The following CCDC6 variants were observed in gnomAD, a reference collection of about 807,000 sequenced individuals.
The protein encoded by CCDC6 is coiled-coil domain containing 6, also known as coiled-coil domain-containing protein 6.
CCDC6 carries 20 observed loss-of-function variants against 56.6 expected under a neutral mutation model. The ratio of observed to expected loss-of-function variants is 0.35; its 90% confidence interval spans 0.25 to 0.51. The LOEUF is 0.51. Among genes scored for constraint, CCDC6 ranks in the 20% least tolerant of loss-of-function variants. The probability of loss-of-function intolerance (pLI) is 0.95; values close to 1 mark genes in which losing one functional copy is unlikely to be tolerated. For synonymous variants in CCDC6, 241 were observed against 234.4 expected, an observed-to-expected ratio of 1.03 and a Z score of -0.26; for missense variants, 367 against 601.1, an observed-to-expected ratio of 0.61 and a Z score of 4.07.
At position 59,789,748 on chromosome 10, in the gene CCDC6, CTA is replaced by C. The variant is rs1199739089; in HGVS notation, c.*3167_*3168del. Reference sequence around the variant, plus strand: ...TATTGAGCTCTCAAAGCACAAGTTACTATGCTTTTTCTTGCCTTATTGGGCAT... The same window carrying C: ...TATTGAGCTCTCAAAGCACAAGTTACTGCTTTTTCTTGCCTTATTGGGCAT... On this transcript the variant is annotated 3_prime_UTR_variant, in exon 9 of 9. Coordinates refer to ENST00000263102, the MANE Select transcript of CCDC6 (RefSeq NM_005436.5). The C allele has an allele frequency of 4.5e-6, 1 of 222,216 alleles. No homozygotes were observed. The highest frequency in any genetic ancestry group is 2.2e-5 in the African/African-American group (1 of 44,780). The allele number at this position is 222,216 out of a possible 1,614,324, so 13.8% of individuals were successfully genotyped here.
intron 2 of CCDC6, among the ~76,000 whole-genome samples, chr10:59,838,228 T>TCACACACACA (rs111779783): frequency 2.0e-5 from 3 of 151,096 alleles, no homozygotes; most frequent in Non-Finnish European, 4.4e-5. Context: ...ATAACAGCTG[T>TCACACACACA]CACACACACA....
At chr10:59,820,008 CTTA>C (rs2070738069) in intron 3 of CCDC6, among the ~76,000 whole-genome samples, 3 of 152,170 alleles carry the variant, frequency 2.0e-5, no homozygotes, top group South Asian at 2.1e-4. Flanking sequence ...ACCAGGAGTT[CTTA>C]TTATGTTCCC....
rs1214667916 is a variant in CCDC6 at position 59,845,276 on chromosome 10, C to T, written c.453+7277G>A. ...TACCTTTGTTTTTCCCCTCTATCTACTTTTTCTCACATTTTATGTCAAAAA... is the reference window on the plus strand; with the variant it reads ...TACCTTTGTTTTTCCCCTCTATCTATTTTTTCTCACATTTTATGTCAAAAA... On this transcript the variant is annotated intron_variant, in intron 2 of 8. Transcript: ENST00000263102. 4.0e-5 allele frequency among the ~76,000 whole-genome samples: 6 copies of T among 149,768 alleles called. No individual in the cohort carries two copies. The Admixed American group carries it at 4.0e-4, about 10-fold the overall frequency.
intron 6 of CCDC6, among the ~76,000 whole-genome samples, chr10:59,805,922 A>G (rs1043375178): frequency 2.6e-5 from 4 of 152,208 alleles, no homozygotes; most frequent in Admixed American, 1.3e-4. Context: ...CAGAGTACAG[A>G]TGTGCTAACA....
At chr10:59,810,986 G>A (rs529504239) in intron 5 of CCDC6, among the ~76,000 whole-genome samples, 6 of 152,068 alleles carry the variant, frequency 3.9e-5, no homozygotes, top group Non-Finnish European at 7.4e-5. Context: ...GGGGTGGTAC[G>A]ACTGCAAGGA....
intron 1 of CCDC6, among the ~76,000 whole-genome samples, chr10:59,863,700 T>A (rs2071153687): frequency 6.6e-6 from 1 of 152,222 alleles, no homozygotes; most frequent in African/African-American, 2.4e-5. Context: ...TAAAGCTGTT[T>A]TTTAAAAAAG....
rs1189739595 is a variant in CCDC6, at chr10:59,835,506, A to G, written c.454-2853T>C. Among the ~76,000 whole-genome samples, 4 of 152,222 alleles carry G rather than the reference A, an allele frequency of 2.6e-5. No individual in the cohort carries two copies. The East Asian group carries it at 7.7e-4, about 29-fold the overall frequency. On this transcript the variant is annotated intron_variant, in intron 2 of 8. Transcript: ENST00000263102. The stretch of plus-strand genomic sequence containing the variant: ...AGGAAAATTTGATGGTAAAGCTGTC[A>G]TTACCAGAACTCAAGTAAGGTCACT...
At chr10:59,844,129 C>T (rs2070967494) in intron 2 of CCDC6, among the ~76,000 whole-genome samples, 1 of 152,164 alleles carries the variant, frequency 6.6e-6, no homozygotes, top group Admixed American at 6.5e-5. Context: ...TGAGGTATGT[C>T]TGAGTGATCT....
chr10:59,865,059 C>A lies in CCDC6; in HGVS notation c.304-12357G>T, dbSNP rs556704896. Among the ~76,000 whole-genome samples the A allele has an allele frequency of 7.9e-5, 12 of 152,262 alleles. No homozygotes were observed. In the East Asian group the frequency reaches 1.5e-3, roughly 20 times the overall value. Reference sequence around the variant, plus strand: ...AAGCTACTGGGGAAGTTCTTCACTGCCCTTGGAAGATGTGTTGTTAATTAT... The same window carrying A: ...AAGCTACTGGGGAAGTTCTTCACTGACCTTGGAAGATGTGTTGTTAATTAT... On this transcript the variant is annotated intron_variant, in intron 1 of 8. Coordinates refer to ENST00000263102, the MANE Select transcript of CCDC6 (RefSeq NM_005436.5).
chr10:59,897,737 C>T (rs1365716011), intron 1 of CCDC6, among the ~76,000 whole-genome samples: 1 of 152,196 alleles, frequency 6.6e-6, no homozygotes, highest in African/African-American at 2.4e-5. Flanking sequence ...ATAGAAGCAA[C>T]AGGTGAAGTG....
At chr10:59,827,933 A>T (rs189444978) in intron 3 of CCDC6, among the ~76,000 whole-genome samples, 17 of 152,270 alleles carry the variant, frequency 1.1e-4, no homozygotes, top group African/African-American at 4.1e-4. Flanking sequence ...GGAGTGTCTA[A>T]AACCCACGTA....
chr10:59,858,030 A>G (rs2071094630), intron 1 of CCDC6, among the ~76,000 whole-genome samples: 1 of 152,198 alleles, frequency 6.6e-6, no homozygotes, highest in Non-Finnish European at 1.5e-5. Context: ...AATGGCTGGC[A>G]ATTCTTATAG....
chr10:59,882,873 T>A lies in CCDC6; in HGVS notation c.303+23249A>T, dbSNP rs1405945799. ...TACTCAGCAGGCTGAGGCAGGAGAA[T>A]CGCTTGAACCCGGGAGGCGGAGGTT... On this transcript the variant is annotated intron_variant, in intron 1 of 8. Coordinates refer to ENST00000263102, the MANE Select transcript of CCDC6 (RefSeq NM_005436.5). Among the ~76,000 whole-genome samples the A allele has an allele frequency of 1.3e-5, 2 of 151,830 alleles. 1 individual carries two copies. The highest frequency in any genetic ancestry group is 4.2e-4 in the South Asian group (2 of 4,814).
chr10:59,889,411 C>T (rs2071405692), intron 1 of CCDC6, among the ~76,000 whole-genome samples: 1 of 152,216 alleles, frequency 6.6e-6, no homozygotes, highest in Admixed American at 6.5e-5. Flanking sequence ...TTCATCCATG[C>T]TGATCCTTCT....
At chr10:59,899,637 G>A (rs1216063107) in intron 1 of CCDC6, among the ~76,000 whole-genome samples, 3 of 152,188 alleles carry the variant, frequency 2.0e-5, no homozygotes, top group Non-Finnish European at 4.4e-5. Context: ...TCCCAGTGGT[G>A]CATTTCAACA....
intron 3 of CCDC6, among the ~76,000 whole-genome samples, chr10:59,818,570 G>C (rs1172900124): frequency 1.3e-5 from 2 of 151,138 alleles, no homozygotes; most frequent in South Asian, 4.2e-4. Flanking sequence ...TGTCTGTGTG[G>C]GTTTTCTCCA....
chr10:59,860,446 A>T (rs1340824154), intron 1 of CCDC6, among the ~76,000 whole-genome samples: 1 of 152,130 alleles, frequency 6.6e-6, no homozygotes, highest in Non-Finnish European at 1.5e-5. Flanking sequence ...ATGAGCCCAG[A>T]TATGAGATCT....
intron 2 of CCDC6, among the ~76,000 whole-genome samples, chr10:59,840,254 T>C (rs987427990): frequency 6.6e-6 from 1 of 152,250 alleles, no homozygotes; most frequent in Non-Finnish European, 1.5e-5. Context: ...ATTTCCAACT[T>C]AATTAGGTAC....
chr10:59,871,915 A>G (rs1438908187), intron 1 of CCDC6, among the ~76,000 whole-genome samples: 3 of 152,186 alleles, frequency 2.0e-5, no homozygotes, highest in Non-Finnish European at 4.4e-5. Context: ...CAAAAGTAAA[A>G]GGCTCCTCAA....
Sources: allele counts gnomAD v4.1 joint callset (sites outside exome capture counted in the v4.1 genomes callset), GRCh38; gene constraint gnomAD v4.1.1; transcripts MANE v1.5; gene names NCBI Gene and HGNC (gene_info 2026-07-23, HGNC 2026-07-21).